CWH43: variants seen among roughly 807,000 people sequenced by gnomAD.
CWH43 encodes the protein PGAP2-interacting protein.
A neutral mutation model predicts 85.7 loss-of-function variants in CWH43; 91 were observed. The observed-to-expected ratio is 1.06, with a 90% CI of 0.90 to 1.26. The LOEUF (loss-of-function observed/expected upper bound fraction) is 1.26. CWH43 is among the 50% of genes most tolerant of loss of function. The pLI is 0.00. For missense variants in CWH43, 869 were observed against 839.2 expected, an observed-to-expected ratio of 1.04 and a Z score of -0.44; for synonymous variants, 323 against 293.6, an observed-to-expected ratio of 1.10 and a Z score of -1.02.
intron 15 of CWH43, among the ~76,000 whole-genome samples, chr4:49,052,135 G>T (rs1352830422): frequency 2.6e-5 from 4 of 152,066 alleles, no homozygotes; most frequent in Non-Finnish European, 5.9e-5. Context: ...AGAAAAAATT[G>T]TACCAAAGTG....
At chr4:49,018,214 CATTT>C (rs71191281) in intron 9 of CWH43, among the ~76,000 whole-genome samples, 2 of 151,922 alleles carry the variant, frequency 1.3e-5, no homozygotes, top group African/African-American at 2.4e-5. Context: ...GGTGTTTTAT[CATTT>C]ATTTATTTAT....
At chr4:49,005,900 C>G (rs1472803535) in intron 7 of CWH43, among the ~76,000 whole-genome samples, 3 of 152,156 alleles carry the variant, frequency 2.0e-5, no homozygotes, top group Non-Finnish European at 4.4e-5. Flanking sequence ...GCTTTTCTAC[C>G]CCACGAGCTA....
intron 11 of CWH43, among the ~76,000 whole-genome samples, chr4:49,031,835 G>A (rs140193510): frequency 1.3e-5 from 2 of 152,280 alleles, no homozygotes; most frequent in African/African-American, 4.8e-5. Flanking sequence ...GTGATGTCTA[G>A]GTTTTTGACC....
intron 13 of CWH43, 138 bp from the exon 14 acceptor site, chr4:49,044,648 A>T (rs202031271): frequency 1.6e-6 from 1 of 615,618 alleles, no homozygotes; most frequent in Non-Finnish European, 2.8e-6. Context: ...TTTGGACCAA[A>T]AAAGATCAGT....
intron 14 of CWH43, among the ~76,000 whole-genome samples, chr4:49,048,026 G>T (rs1784682226): frequency 6.6e-6 from 1 of 152,154 alleles, no homozygotes; most frequent in Non-Finnish European, 1.5e-5. Context: ...GGTGAGTTTT[G>T]TTAAGTATTT....
At position 49,036,797 on chromosome 4, in the gene CWH43, CCTT is replaced by C. The variant is rs1784274978; in HGVS notation, c.1659-1236_1659-1234del. Among the ~76,000 whole-genome samples, 6 of 152,224 alleles carry C rather than the reference CCTT, an allele frequency of 3.9e-5. No homozygotes were observed. The South Asian group carries it at 8.3e-4, about 21-fold the overall frequency. ...AGTAGAGAAGCGAGTGTATTTCTCT[CCTT>C]CTCTCTCTGCTTCCTCTGGTGTCTC... On this transcript the variant is annotated intron_variant, in intron 12 of 15. Coordinates refer to ENST00000226432, the MANE Select transcript of CWH43 (RefSeq NM_025087.3).
Position 49,017,304 on chromosome 4 carries a change from C to A in CWH43, c.1242C>A (p.Ala414=). The A allele has an allele frequency of 6.2e-7, 1 of 1,611,540 alleles. No homozygotes were observed. Among genetic ancestry groups the A allele is most frequent in the Non-Finnish European group, 8.5e-7 (1 of 1,178,476 alleles). The change falls in exon 9 of 16, where the codon GCC becomes GCA. Residue 414 remains alanine, a synonymous_variant. Transcript: ENST00000226432. ...TGGGATTAGGACTACGGCATAAAGC[C>A]TATGAGAGAAAACTGGGCAAAGTGG... The part of the protein sequence containing the change: ...GLLGLGLRHK[A]YERKLGKVAP...
At position 48,998,450 on chromosome 4, in the gene CWH43, T is replaced by G; in HGVS notation, c.714-10T>G. 6.2e-7 allele frequency: 1 copy of G among 1,604,820 alleles called. No individual in the cohort carries two copies. Among genetic ancestry groups the G allele is most frequent in the African/African-American group, 1.3e-5 (1 of 74,858 alleles). On this transcript the variant is annotated splice_polypyrimidine_tract_variant and intron_variant, in intron 5 of 15. Transcript: ENST00000226432. ...ATGTCACATGTCTTAGAGCATGTCC[T>G]TTTTCACAGAGGTGCAGTACTGCTG... is the stretch of plus-strand genomic sequence containing the variant.
intron 2 of CWH43, 32 bp downstream of exon 2, chr4:48,988,700 T>C: frequency 1.4e-6 from 2 of 1,399,292 alleles, no homozygotes; most frequent in Non-Finnish European, 9.7e-7. Flanking sequence ...TTAAGTTGTT[T>C]TTTTTAAGTT....
chr4:49,039,306 GATATATATAT>G lies in CWH43; in HGVS notation c.1803+1144_1803+1153del, dbSNP rs71600797. 3.3e-3 allele frequency among the ~76,000 whole-genome samples: 15 copies of G among 4,602 alleles called. 2 individuals are homozygous for G. The highest frequency in any genetic ancestry group is 0.014 in the Admixed American group (2 of 140). 3.0% of individuals were successfully genotyped at this position (4,602 alleles called of 152,430 possible). The stretch of plus-strand genomic sequence containing the variant: ...ACACAAATCAAATTCTCAGGAGACT[GATATATATAT>G]ATATATATATATATATACTGATGTA... On this transcript the variant is annotated intron_variant, in intron 13 of 15. Transcript: ENST00000226432.
At chr4:49,028,929 G>A (rs1784005406) in intron 10 of CWH43, among the ~76,000 whole-genome samples, 195 bp downstream of exon 10, 1 of 152,182 alleles carries the variant, frequency 6.6e-6, no homozygotes, top group African/African-American at 2.4e-5. Flanking sequence ...AACCACTCCT[G>A]TCTTTGTTTG....
At chr4:49,047,106 C>A (rs1784648783) in intron 14 of CWH43, among the ~76,000 whole-genome samples, 1 of 152,166 alleles carries the variant, frequency 6.6e-6, no homozygotes, top group Non-Finnish European at 1.5e-5. Context: ...CTTTAAGTAA[C>A]CTTATCTTCT....
intron 6 of CWH43, among the ~76,000 whole-genome samples, chr4:48,999,402 T>C (rs1782921109): frequency 6.6e-6 from 1 of 152,234 alleles, no homozygotes; most frequent in Non-Finnish European, 1.5e-5. Context: ...CATGTGTCTT[T>C]ATGGTAGAAC....
Position 48,986,304 on chromosome 4 carries a change from C to T in CWH43, c.-126C>T. ...GGCTGGGGCTCACTTGGCAACGGGA[C>T]GCGGGAACGAGGGGCGCGGACGCAG... On this transcript the variant is annotated 5_prime_UTR_variant, in exon 1 of 16. The change creates a new upstream start codon in the 5' untranslated region. Transcript: ENST00000226432. 1 of 917,182 alleles carries T rather than the reference C, an allele frequency of 1.1e-6. No individual in the cohort carries two copies. The highest frequency in any genetic ancestry group is 1.6e-6 in the Non-Finnish European group (1 of 623,896). 56.8% of individuals were successfully genotyped at this position (917,182 alleles called of 1,614,324 possible).
At chr4:49,034,408 A>C (rs1012630946) in intron 12 of CWH43, among the ~76,000 whole-genome samples, 1 of 152,160 alleles carries the variant, frequency 6.6e-6, no homozygotes, top group Admixed American at 6.6e-5. Flanking sequence ...AATATATCCC[A>C]AAATGTAAAG....
chr4:49,001,007 T>C (rs530162241), intron 6 of CWH43, among the ~76,000 whole-genome samples: 17 of 152,212 alleles, frequency 1.1e-4, no homozygotes, highest in African/African-American at 2.2e-4. Context: ...CTGTGATTCA[T>C]CTCTGGAAAC....
At chr4:49,027,375 G>C (rs576835103) in intron 9 of CWH43, among the ~76,000 whole-genome samples, 1 of 152,066 alleles carries the variant, frequency 6.6e-6, no homozygotes, top group Non-Finnish European at 1.5e-5. Flanking sequence ...GAAGAATGAA[G>C]GAATAACATA....
chr4:48,988,326 T>A, intron 1 of CWH43, 151 bp from the exon 2 acceptor site: 1 of 479,030 alleles, frequency 2.1e-6, no homozygotes, highest in South Asian at 4.9e-5. Context: ...CTTGTTTTGT[T>A]CCATGTCAGT....
chr4:49,054,439 G>A (rs751486854), intron 15 of CWH43, among the ~76,000 whole-genome samples: 30 of 152,202 alleles, frequency 2.0e-4, no homozygotes, highest in African/African-American at 6.3e-4. Context: ...ATCTGGTAGC[G>A]TGATGCCTCC....
Sources: allele counts gnomAD v4.1 joint callset (sites outside exome capture counted in the v4.1 genomes callset), GRCh38; gene constraint gnomAD v4.1.1; transcripts MANE v1.5; gene names NCBI Gene and HGNC (gene_info 2026-07-23, HGNC 2026-07-21).